Variants in VPS33B observed in about 807,000 individuals in gnomAD.
VPS33B encodes the protein vacuolar protein sorting-associated protein 33B.
In VPS33B, 80 loss-of-function variants were observed where a neutral mutation model predicts 95.3. The ratio of observed to expected loss-of-function variants is 0.84; its 90% CI spans 0.70 to 1.01. The LOEUF (loss-of-function observed/expected upper bound fraction) is 1.01. Ranked by LOEUF, VPS33B falls within the 50% of genes least tolerant of loss-of-function variation. VPS33B has a pLI of 0.00. For missense variants in VPS33B, 715 were observed against 773.4 expected (o/e 0.92, Z 0.90); for synonymous variants, 280 against 280.4 (o/e 1.00, Z 0.01).
At position 91,013,791 on chromosome 15, in the gene VPS33B, G is replaced by A. The variant is rs773971669; in HGVS notation, c.357+13C>T. On this transcript the variant is annotated intron_variant, in intron 5 of 22. Coordinates refer to ENST00000333371, the MANE Select transcript of VPS33B (RefSeq NM_018668.5). This position sits in a 1 kb window ranked among gnomAD's most constrained non-coding sequence, Gnocchi z 4.5. ...TTCTACCTTATCCCACTTCCTCCAGGATCCAAACTCACCTTTTGAGGGCTG... is the reference window on the plus strand; with the variant it reads ...TTCTACCTTATCCCACTTCCTCCAGAATCCAAACTCACCTTTTGAGGGCTG... 1.4e-5 allele frequency: 23 copies of A among 1,613,936 alleles called. No individual in the cohort carries two copies. The highest frequency in any genetic ancestry group is 5.3e-5 in the African/African-American group (4 of 74,912).
In VPS33B at chr15:91,013,716, C is replaced by T. The variant is rs1021243075; in HGVS notation, c.357+88G>A. ...TACAGCAACAGAAAACGAACGGAGACAGGGAGGTAGTGCTGTTGGCCCCTT... is the reference window on the plus strand; with the variant it reads ...TACAGCAACAGAAAACGAACGGAGATAGGGAGGTAGTGCTGTTGGCCCCTT... On this transcript the variant is annotated intron_variant, in intron 5 of 22. Coordinates refer to ENST00000333371, the MANE Select transcript of VPS33B (RefSeq NM_018668.5). This position sits in a 1 kb window ranked among gnomAD's most constrained non-coding sequence, Gnocchi z 4.5. The T allele has an allele frequency of 1.5e-5, 21 of 1,370,034 alleles. No individual in the cohort carries two copies. Among genetic ancestry groups the T allele is most frequent in the Middle Eastern group, 1.8e-4 (1 of 5,632 alleles). The allele number at this position is 1,370,034 out of a possible 1,614,324, so 84.9% of individuals were successfully genotyped here.
At position 91,022,348 on chromosome 15, in the gene VPS33B, TG is replaced by T. The variant is rs1411349352; in HGVS notation, c.-100del. On this transcript the variant is annotated 5_prime_UTR_variant, in exon 1 of 23. Transcript: ENST00000333371. ...CGCAAGGGGGGCTATCCTTCAGGCCTGGGCACCGACTTCCAGAGACCCCAGA... is the reference window on the plus strand; with the variant it reads ...CGCAAGGGGGGCTATCCTTCAGGCCTGGCACCGACTTCCAGAGACCCCAGA... 9.4e-6 allele frequency: 12 copies of T among 1,273,850 alleles called. No homozygotes were observed. Among genetic ancestry groups the T allele is most frequent in the Non-Finnish European group, 1.3e-5 (12 of 936,508 alleles). 78.9% of individuals were successfully genotyped at this position (1,273,850 alleles called of 1,614,324 possible). A position where few individuals can be genotyped will look rare whatever the true frequency, so the allele number is the denominator to read the frequency against.
At position 91,022,229 on chromosome 15, in the gene VPS33B, C is replaced by T. The variant is rs2151689009; in HGVS notation, c.21G>A (p.Pro7=). Residue 7 remains proline, a synonymous_variant, in exon 1 of 23, where the codon CCG becomes CCA. Coordinates refer to ENST00000333371, the MANE Select transcript of VPS33B (RefSeq NM_018668.5). ...AGAAGTCAGGCAGCTCAGGGGCGTC[C>T]GGCCGATGGGGAAAAGCCATGGCAG... The part of the protein sequence containing the change: MAFPHR[P]DAPELPDFSM... 1.3e-6 allele frequency: 2 copies of T among 1,578,892 alleles called. No individual in the cohort carries two copies. Among genetic ancestry groups the T allele is most frequent in the Middle Eastern group, 3.5e-4 (2 of 5,676 alleles).
intron 3 of VPS33B, among the ~76,000 whole-genome samples, chr15:91,016,092 C>T (rs1291384371): frequency 6.6e-6 from 1 of 152,144 alleles, no homozygotes; most frequent in Non-Finnish European, 1.5e-5. Flanking sequence ...GGAAGGGCAA[C>T]AGAGAGCTTC....
In VPS33B at chr15:91,007,113, G is replaced by A; in HGVS notation, c.604-67C>T. ...CTACTGCAGCCCCATACCTACAGAA[G>A]TCAGCCCTTTCCACGTGATACTTCC... On this transcript the variant is annotated intron_variant, in intron 8 of 22. Coordinates refer to ENST00000333371, the MANE Select transcript of VPS33B (RefSeq NM_018668.5). This position sits in a 1 kb window ranked among gnomAD's most constrained non-coding sequence, Gnocchi z 5.3. The A allele has an allele frequency of 6.4e-7, 1 of 1,557,408 alleles. No homozygotes were observed. Among genetic ancestry groups the A allele is most frequent in the Non-Finnish European group, 8.8e-7 (1 of 1,141,072 alleles).
At position 91,006,225 on chromosome 15, in the gene VPS33B, C is replaced by T; in HGVS notation, c.852+147G>A. The T allele has an allele frequency of 2.2e-6, 3 of 1,361,170 alleles. No homozygotes were observed. The highest frequency in any genetic ancestry group is 2.1e-6 in the Non-Finnish European group (2 of 956,472). 84.3% of individuals were successfully genotyped at this position (1,361,170 alleles called of 1,614,324 possible). A position where few individuals can be genotyped will look rare whatever the true frequency, so the allele number is the denominator to read the frequency against. ...TGCCTACACCGTGTTCTAGGAGATG[C>T]TCTGAACTGGTGGGGAAACCCTCTC... On this transcript the variant is annotated intron_variant, in intron 11 of 22. Transcript: ENST00000333371. The surrounding 1 kb of genome is among the most constrained non-coding windows in gnomAD (Gnocchi z 5.4).
At chr15:91,021,180 T>A (rs2041090981) in intron 1 of VPS33B, among the ~76,000 whole-genome samples, 2 of 152,232 alleles carry the variant, frequency 1.3e-5, no homozygotes, top group Non-Finnish European at 1.5e-5. Flanking sequence ...AGCTAGGTAC[T>A]CACTAGGTAG....
rs975009694 is a variant in VPS33B at position 91,002,805 on chromosome 15, G to T, written c.1272+280C>A. Among the ~76,000 whole-genome samples the T allele has an allele frequency of 1.4e-4, 22 of 151,798 alleles. No individual in the cohort carries two copies. The highest frequency in any genetic ancestry group is 5.3e-4 in the African/African-American group (22 of 41,340). ...TCAATGCCTCACACGGTGCTAAAAT[G>T]AGGGAGACTCCCAGGAGAAAGAACT... On this transcript the variant is annotated intron_variant, in intron 17 of 22. Transcript: ENST00000333371. The surrounding 1 kb of genome is among the most constrained non-coding windows in gnomAD (Gnocchi z 4.7).
intron 3 of VPS33B, among the ~76,000 whole-genome samples, chr15:91,016,026 G>C (rs898274824): frequency 1.3e-5 from 2 of 152,028 alleles, no homozygotes; most frequent in South Asian, 4.1e-4. Context: ...CATGCCGAGC[G>C]AACAGGACAA....
intron 6 of VPS33B, among the ~76,000 whole-genome samples, chr15:91,008,944 C>A (rs899173172): frequency 1.3e-5 from 2 of 152,014 alleles, no homozygotes; most frequent in Middle Eastern, 3.4e-3. Context: ...TGGAGGGTGG[C>A]GAGTCAGGAG....
In VPS33B at chr15:91,002,151, G is replaced by C; in HGVS notation, c.1304C>G (p.Ser435Cys). Reference protein sequence around the residue: ...SYGPEHLLTFSNLRRAGLLTE... With the variant: ...SYGPEHLLTFCNLRRAGLLTE... ...TAGGAGCCCAGCTCTTCGCAGATTG[G>C]AGAAGGTTAGCAGGTGCTCAGGGCC... Residue 435 changes from serine to cysteine, a missense_variant, in exon 18 of 23, where the codon TCC (serine) becomes TGC (cysteine). Physicochemically the swap from Ser to Cys is moderately radical, Grantham distance 112 (BLOSUM62 -1). Transcript: ENST00000333371. The surrounding 1 kb of genome is among the most constrained non-coding windows in gnomAD (Gnocchi z 4.7). 1 of 1,614,206 alleles carries C rather than the reference G, an allele frequency of 6.2e-7. No individual in the cohort carries two copies. The highest frequency in any genetic ancestry group is 8.5e-7 in the Non-Finnish European group (1 of 1,180,028).
At position 91,017,182 on chromosome 15, in the gene VPS33B, G is replaced by C; in HGVS notation, c.178-158C>G. ...ATGCTCCCCTGACGACCATCCCACT[G>C]AATTTTCCTCAAACTGTCAATAGAA... On this transcript the variant is annotated intron_variant, in intron 2 of 22. Transcript: ENST00000333371. The C allele has an allele frequency of 4.3e-6, 3 of 693,426 alleles. No homozygotes were observed. In the South Asian group the frequency reaches 4.7e-5, roughly 11 times the overall value. 43.0% of individuals were successfully genotyped at this position (693,426 alleles called of 1,614,324 possible).
At position 90,999,166 on chromosome 15, in the gene VPS33B, T is replaced by A; in HGVS notation, c.1775-112A>T. The A allele has an allele frequency of 1.0e-6, 1 of 975,114 alleles. No individual in the cohort carries two copies. Among genetic ancestry groups the A allele is most frequent in the South Asian group, 1.4e-5 (1 of 72,836 alleles). 60.4% of individuals were successfully genotyped at this position (975,114 alleles called of 1,614,324 possible). A position where few individuals can be genotyped will look rare whatever the true frequency, so the allele number is the denominator to read the frequency against. On this transcript the variant is annotated intron_variant, in intron 22 of 22. Coordinates refer to ENST00000333371, the MANE Select transcript of VPS33B (RefSeq NM_018668.5). This position sits in a 1 kb window ranked among gnomAD's most constrained non-coding sequence, Gnocchi z 5.1. ...CCCACGGGATCACAGCACCAGTTTA[T>A]AGACAGAGACGTGAGTGCCATGCTC...
downstream of VPS33B, chr15:90,998,532 A>C: frequency 7.3e-6 from 2 of 272,464 alleles, no homozygotes; most frequent in Non-Finnish European, 1.5e-5. The surrounding 1 kb of genome is among the most constrained non-coding windows in gnomAD (Gnocchi z 4.8). Flanking sequence ...AGAGTGGTAG[A>C]GTGATTTTTA....
intron 1 of VPS33B, among the ~76,000 whole-genome samples, chr15:91,019,277 C>G (rs1191020924): frequency 6.6e-6 from 1 of 151,924 alleles, no homozygotes; most frequent in African/African-American, 2.4e-5. Flanking sequence ...GCCACCACAC[C>G]TGGCTAATTT....
Position 91,002,059 on chromosome 15 carries a change from T to G in VPS33B, c.1396A>C (p.Lys466Gln). 6.2e-7 allele frequency: 1 copy of G among 1,613,998 alleles called. No individual in the cohort carries two copies. The highest frequency in any genetic ancestry group is 8.5e-7 in the Non-Finnish European group (1 of 1,180,020). ...ESKVSKLVTD[K>Q]AAGKITDAFS... ...TGTGCTCCCTGCTTACCTGCAGCCT[T>G]GTCGGTCACCAGCTTGCTCACTTTA... The change falls in exon 18 of 23, where the codon AAG becomes CAG. Residue 466 changes from lysine to glutamine, a missense_variant. By Grantham distance (53) the Lys-to-Gln change is moderately conservative. Coordinates refer to ENST00000333371, the MANE Select transcript of VPS33B (RefSeq NM_018668.5). The surrounding 1 kb of genome is among the most constrained non-coding windows in gnomAD (Gnocchi z 4.7).
At chr15:91,021,910 G>A (rs1470205537) in intron 1 of VPS33B, among the ~76,000 whole-genome samples, 1 of 152,192 alleles carries the variant, frequency 6.6e-6, no homozygotes, top group East Asian at 1.9e-4. Context: ...CGTCCCTAGG[G>A]ATGCCTGGCA....
rs2040755701 is a variant in VPS33B at position 91,010,748 on chromosome 15, G to A, written c.358-902C>T. Among the ~76,000 whole-genome samples, 2 of 152,194 alleles carry A rather than the reference G, an allele frequency of 1.3e-5. No homozygotes were observed. The highest frequency in any genetic ancestry group is 2.9e-5 in the Non-Finnish European group (2 of 68,042). ...CTGAGAAAGAATACTCAGAGAAGCA[G>A]GGGCAGGAGAAAACAGCAACAGTCA... On this transcript the variant is annotated intron_variant, in intron 5 of 22. Transcript: ENST00000333371. This position sits in a 1 kb window ranked among gnomAD's most constrained non-coding sequence, Gnocchi z 5.7.
Position 91,007,772 on chromosome 15 carries a change from CT to C in VPS33B, c.498+97del. 1 of 1,283,658 alleles carries C rather than the reference CT, an allele frequency of 7.8e-7. No individual in the cohort carries two copies. Among genetic ancestry groups the C allele is most frequent in the Non-Finnish European group, 1.1e-6 (1 of 882,628 alleles). 79.5% of individuals were successfully genotyped at this position (1,283,658 alleles called of 1,614,324 possible). A position where few individuals can be genotyped will look rare whatever the true frequency, so the allele number is the denominator to read the frequency against. On this transcript the variant is annotated intron_variant, in intron 7 of 22. Transcript: ENST00000333371. The surrounding 1 kb of genome is among the most constrained non-coding windows in gnomAD (Gnocchi z 5.3). ...CATCACTATCACTTGTGATAAATTA[CT>C]TGCGTTGGACAAAGGTTATATTGGT...
Sources: allele counts gnomAD v4.1 joint callset (sites outside exome capture counted in the v4.1 genomes callset), GRCh38; gene constraint gnomAD v4.1.1; non-coding constraint Gnocchi (gnomAD v3.1); transcripts MANE v1.5; gene names NCBI Gene and HGNC (gene_info 2026-07-23, HGNC 2026-07-21).